The following RAB38 variants were observed in gnomAD, a reference collection of about 807,000 sequenced individuals.
RAB38 encodes the protein RAB38, member RAS oncogene family.
A neutral mutation model predicts 18.4 loss-of-function variants in RAB38; 15 were observed. That is an observed-to-expected ratio of 0.82 (90% CI 0.55 to 1.26). The LOEUF (loss-of-function observed/expected upper bound fraction) is 1.26, where lower values mean the gene tolerates loss of function less well. RAB38 is among the 50% of genes most tolerant of loss of function. The pLI, the probability that RAB38 is intolerant of heterozygous loss-of-function variation, is 0.00. For missense variants in RAB38, 294 were observed against 267.4 expected (o/e 1.10, Z -0.69); for synonymous variants, 101 against 104.4 (o/e 0.97, Z 0.20).
the RAB38 span, among the ~76,000 whole-genome samples, chr11:87,946,775 T>C: frequency 1.3e-5 from 2 of 150,536 alleles, no homozygotes; most frequent in African/African-American, 5.0e-5. Flanking sequence ...CACATTTTCT[T>C]AATCCAGGCT....
chr11:88,006,071 C>G, the RAB38 span, among the ~76,000 whole-genome samples: 1 of 151,276 alleles, frequency 6.6e-6, no homozygotes, highest in Non-Finnish European at 1.5e-5. Context: ...ATATAAAAAA[C>G]TCAAACAGCT....
chr11:87,816,508 A>C, the RAB38 span: 1 of 152,194 alleles, frequency 6.6e-6, no homozygotes. Context: ...GATTATTAAT[A>C]GAGCTGGTGT....
chr11:87,806,384 C>G, the RAB38 span, among the ~76,000 whole-genome samples: 1 of 152,046 alleles, frequency 6.6e-6, no homozygotes, highest in Non-Finnish European at 1.5e-5. Context: ...CATCCTCATA[C>G]GATGAAAGAG....
the RAB38 span, among the ~76,000 whole-genome samples, chr11:87,868,480 C>A: frequency 6.7e-6 from 1 of 149,220 alleles, no homozygotes; most frequent in African/African-American, 2.5e-5. Context: ...TCTTTTACAG[C>A]AACACAAATG....
intron 1 of RAB38, among the ~76,000 whole-genome samples, chr11:88,154,251 G>A (rs1029029669): frequency 8.5e-5 from 13 of 152,166 alleles, no homozygotes; most frequent in Non-Finnish European, 1.3e-4. Flanking sequence ...TTTTTAATCC[G>A]AGTGCATAGA....
Position 88,117,603 on chromosome 11 carries a change from C to T in RAB38, c.484-3463G>A, listed in dbSNP as rs377308874. On this transcript the variant is annotated intron_variant, in intron 2 of 2. Transcript: ENST00000243662. Reference sequence around the variant, plus strand: ...AGAAAGCCAGGAAGAACTGAAAATGCTTTTGACTATATTTACCACAGGCAC... The same window carrying T: ...AGAAAGCCAGGAAGAACTGAAAATGTTTTTGACTATATTTACCACAGGCAC... 3.9e-5 allele frequency among the ~76,000 whole-genome samples: 6 copies of T among 152,260 alleles called. No homozygotes were observed. In the South Asian group the frequency reaches 1.0e-3, roughly 26 times the overall value.
chr11:87,808,959 G>T, the RAB38 span, among the ~76,000 whole-genome samples: 1 of 151,928 alleles, frequency 6.6e-6, no homozygotes, highest in African/African-American at 2.4e-5. Flanking sequence ...GAAAATATTA[G>T]AAATAGAGCA....
chr11:87,938,731 T>G, the RAB38 span, among the ~76,000 whole-genome samples: 1 of 150,310 alleles, frequency 6.7e-6, no homozygotes, highest in East Asian at 2.0e-4. Context: ...ACCATGCGCA[T>G]TTCCAGATTG....
chr11:87,875,516 C>A, the RAB38 span, among the ~76,000 whole-genome samples: 1 of 151,426 alleles, frequency 6.6e-6, no homozygotes, highest in Non-Finnish European at 1.5e-5. Flanking sequence ...CCCAAAATTG[C>A]TACTGGAGTT....
the RAB38 span, among the ~76,000 whole-genome samples, chr11:88,073,595 A>G: frequency 1.3e-5 from 2 of 152,228 alleles, no homozygotes; most frequent in African/African-American, 4.8e-5. Flanking sequence ...TACTGGAATA[A>G]ATAATCCTTC....
Position 88,175,188 on chromosome 11 carries a change from A to C in RAB38, c.197T>G (p.Ile66Ser). 6.2e-7 allele frequency: 1 copy of C among 1,606,248 alleles called. No individual in the cohort carries two copies. Among genetic ancestry groups the C allele is most frequent in the South Asian group, 1.1e-5 (1 of 90,048 alleles). ...ETVVRLQLWD[I>S]AGQERFGNMT... is the part of the protein sequence containing the mutation. ...CCCCCTCCCCCCGCGCTCACCTGCG[A>C]TATCCCAGAGCTGCAGGCGCACCAC... The change falls in exon 1 of 3, where the codon ATC (isoleucine) becomes AGC (serine). Residue 66 changes from isoleucine to serine, a missense_variant. Coordinates refer to ENST00000243662, the MANE Select transcript of RAB38 (RefSeq NM_022337.3).
chr11:88,160,868 T>C (rs536838038), intron 1 of RAB38, among the ~76,000 whole-genome samples: 8 of 152,190 alleles, frequency 5.3e-5, no homozygotes, highest in Admixed American at 3.9e-4. Flanking sequence ...TGAAAAACTA[T>C]TGGGTACTAT....
chr11:88,080,277 A>G, the RAB38 span, among the ~76,000 whole-genome samples: 1 of 151,930 alleles, frequency 6.6e-6, no homozygotes, highest in South Asian at 2.1e-4. Flanking sequence ...TAGAAATTTA[A>G]CTTTTAAAAT....
the RAB38 span, among the ~76,000 whole-genome samples, chr11:87,933,884 G>A: frequency 3.3e-5 from 5 of 152,198 alleles, no homozygotes; most frequent in African/African-American, 4.8e-5. Context: ...TCTTGAGGAC[G>A]GAGTTTGCTG....
chr11:88,083,771 T>G, the RAB38 span, among the ~76,000 whole-genome samples: 1 of 151,938 alleles, frequency 6.6e-6, no homozygotes, highest in Admixed American at 6.6e-5. Context: ...GGTCACAGAA[T>G]GAGCAAAGAG....
At chr11:87,903,535 G>GT in the RAB38 span, among the ~76,000 whole-genome samples, 18 of 151,602 alleles carry the variant, frequency 1.2e-4, no homozygotes, top group African/African-American at 4.3e-4. Flanking sequence ...TATTGTAAAT[G>GT]TTTTGTTTGG....
the RAB38 span, among the ~76,000 whole-genome samples, chr11:87,951,456 G>A: frequency 6.6e-6 from 1 of 152,156 alleles, no homozygotes; most frequent in African/African-American, 2.4e-5. Flanking sequence ...TTCCTTTGGA[G>A]GAGGAGAGGC....
At chr11:88,106,616 T>C in the RAB38 span, among the ~76,000 whole-genome samples, 4 of 152,130 alleles carry the variant, frequency 2.6e-5, no homozygotes, top group Admixed American at 2.6e-4. Flanking sequence ...GCCTGGAGGT[T>C]GATATTCTAA....
chr11:88,036,700 T>G, the RAB38 span, among the ~76,000 whole-genome samples: 2 of 152,068 alleles, frequency 1.3e-5, no homozygotes, highest in Non-Finnish European at 2.9e-5. Context: ...TGTGTTGAAC[T>G]TTGTGGAACA....
Sources: gnomAD v4.1 joint callset for allele counts (sites outside exome capture counted in the v4.1 genomes callset) on GRCh38, gnomAD v4.1.1 for gene constraint, MANE v1.5 for transcripts, NCBI Gene and HGNC (gene_info 2026-07-23, HGNC 2026-07-21) for gene names.